BAIAP2L1: variants seen among roughly 807,000 people sequenced by gnomAD.
BAIAP2L1 encodes BAR/IMD domain-containing adapter protein 2-like 1.
A neutral mutation model predicts 66.3 loss-of-function variants in BAIAP2L1; 35 were observed. The ratio of observed to expected loss-of-function variants is 0.53; its 90% CI spans 0.40 to 0.70. The LOEUF is 0.70. Ranked by LOEUF, BAIAP2L1 falls within the 30% of genes least tolerant of loss-of-function variation. The pLI, the probability that BAIAP2L1 is intolerant of heterozygous loss-of-function variation, is 0.00. For synonymous variants in BAIAP2L1, 269 were observed against 248.7 expected, an observed-to-expected ratio of 1.08 and a Z score of -0.77; for missense variants, 622 against 656.9, an observed-to-expected ratio of 0.95 and a Z score of 0.58.
At chr7:98,357,049 A>ATATATTTTT (rs1406909573) in intron 2 of BAIAP2L1, among the ~76,000 whole-genome samples, 1 of 12,620 alleles carries the variant, frequency 7.9e-5, no homozygotes, top group African/African-American at 2.8e-4. Flanking sequence ...ATATATATAT[A>ATATATTTTT]TTTTTTTTTT....
intron 3 of BAIAP2L1, among the ~76,000 whole-genome samples, chr7:98,334,977 G>A (rs927625378): frequency 6.7e-6 from 1 of 149,336 alleles, no homozygotes; most frequent in African/African-American, 2.4e-5. Context: ...GTGAAATCCC[G>A]TGTTTCTCTA....
At chr7:98,306,675 G>A in intron 10 of BAIAP2L1, 159 bp from the exon 11 acceptor site, 2 of 1,047,260 alleles carry the variant, frequency 1.9e-6, no homozygotes, top group Middle Eastern at 2.6e-4. Context: ...GGTAAATATG[G>A]ACTTTCACAT....
chr7:98,349,360 GA>G (rs1281589822), intron 3 of BAIAP2L1, among the ~76,000 whole-genome samples: 9 of 152,314 alleles, frequency 5.9e-5, no homozygotes, highest in African/African-American at 1.9e-4. Flanking sequence ...CAAGGGCAGG[GA>G]AATACTTCTA....
chr7:98,355,021 A>G (rs1216462442), intron 3 of BAIAP2L1, 21 bp downstream of exon 3: 10 of 1,591,832 alleles, frequency 6.3e-6, no homozygotes, highest in Non-Finnish European at 8.6e-6. Flanking sequence ...GGGTTTATGT[A>G]TAAAGGGACA....
chr7:98,298,812 T>TGC (rs1437441129), intron 12 of BAIAP2L1, among the ~76,000 whole-genome samples: 3 of 151,906 alleles, frequency 2.0e-5, no homozygotes. Context: ...CCCTCAAGGG[T>TGC]GCCAGAGGCC....
chr7:98,368,717 C>T (rs1584490578), intron 1 of BAIAP2L1, among the ~76,000 whole-genome samples: 1 of 152,002 alleles, frequency 6.6e-6, no homozygotes, highest in Middle Eastern at 3.4e-3. Context: ...GGAATCGTAT[C>T]GTATGTGGCA....
At chr7:98,327,153 G>A (rs1801395058) in intron 3 of BAIAP2L1, among the ~76,000 whole-genome samples, 1 of 152,134 alleles carries the variant, frequency 6.6e-6, no homozygotes, top group Non-Finnish European at 1.5e-5. Flanking sequence ...CTGAGGTCAG[G>A]AGTTTGAGAC....
At chr7:98,371,954 C>T (rs1287533981) in intron 1 of BAIAP2L1, among the ~76,000 whole-genome samples, 1 of 152,026 alleles carries the variant, frequency 6.6e-6, no homozygotes, top group Non-Finnish European at 1.5e-5. Context: ...GCCACTGCAC[C>T]TGGCTAGTTT....
Position 98,362,424 on chromosome 7 carries a change from C to T in BAIAP2L1, c.60G>A (p.Met20Ile). ...TTCGCAGCCCAGGATTGAACTGTTC[C>T]ATAACATTCTGCCAAACAAACAAAA... ...RLTESTYRNV[M>I]EQFNPGLRNL... The change falls in exon 2 of 14, where the codon ATG (methionine) becomes ATA (isoleucine). Residue 20 changes from methionine (M) to isoleucine (I), a missense_variant. Physicochemically the swap from Met to Ile is conservative, Grantham distance 10. Transcript: ENST00000005260. 6.3e-7 allele frequency: 1 copy of T among 1,599,496 alleles called. No homozygotes were observed. The highest frequency in any genetic ancestry group is 8.5e-7 in the Non-Finnish European group (1 of 1,176,132).
intron 7 of BAIAP2L1, among the ~76,000 whole-genome samples, chr7:98,314,690 A>G (rs962244160): frequency 2.0e-5 from 3 of 152,082 alleles, no homozygotes; most frequent in Non-Finnish European, 4.4e-5. Flanking sequence ...GATGCGCGTG[A>G]ATGGGGGCCC....
At position 98,306,471 on chromosome 7, in the gene BAIAP2L1, A is replaced by C. The variant is rs746282005; in HGVS notation, c.1209T>G (p.Asn403Lys). 12 of 1,613,950 alleles carry C rather than the reference A, an allele frequency of 7.4e-6. No homozygotes were observed. Among genetic ancestry groups the C allele is most frequent in the Non-Finnish European group, 1.0e-5 (12 of 1,179,998 alleles). ...TGGGCACGGTCACTGCTTCTGTCTC[A>C]TTTTCTTCCAGCAACTTCGTGTACG... The part of the protein sequence containing the change: ...PSSYTKLLEE[N>K]ETEAVTVPTP... The change falls in exon 11 of 14, where the codon AAT becomes AAG. Residue 403 changes from asparagine (N) to lysine (K), a missense_variant. By Grantham distance (94) the Asn-to-Lys change is moderately conservative. Transcript: ENST00000005260.
At position 98,292,634 on chromosome 7, in the gene BAIAP2L1, T is replaced by C. The variant is rs1486936571; in HGVS notation, c.*887A>G. Reference sequence around the variant, plus strand: ...TGCTAGGCTGAAAAACCCGCCCTTCTCCAGGCACCAGAGGTCATCCTGGCT... The same window carrying C: ...TGCTAGGCTGAAAAACCCGCCCTTCCCCAGGCACCAGAGGTCATCCTGGCT... On this transcript the variant is annotated 3_prime_UTR_variant, in exon 14 of 14. Transcript: ENST00000005260. The C allele has an allele frequency of 6.4e-7, 1 of 1,551,478 alleles. No individual in the cohort carries two copies. Among genetic ancestry groups the C allele is most frequent in the Non-Finnish European group, 8.7e-7 (1 of 1,146,970 alleles).
chr7:98,353,679 G>A (rs971498023), intron 3 of BAIAP2L1, among the ~76,000 whole-genome samples: 1 of 139,926 alleles, frequency 7.1e-6, no homozygotes, highest in African/African-American at 2.7e-5. Flanking sequence ...TAATATTATG[G>A]CTGGGCGCGG....
chr7:98,313,535 A>G (rs1250750980), intron 7 of BAIAP2L1, among the ~76,000 whole-genome samples: 1 of 152,080 alleles, frequency 6.6e-6, no homozygotes, highest in Non-Finnish European at 1.5e-5. Context: ...TCTAAAGTGA[A>G]CTCTACATTC....
chr7:98,312,402 A>C, intron 7 of BAIAP2L1, 138 bp from the exon 8 acceptor site: 1 of 853,192 alleles, frequency 1.2e-6, no homozygotes, highest in Non-Finnish European at 1.8e-6. Context: ...AAACTCGGTG[A>C]GCACTTTAAG....
At chr7:98,357,049 ATTTTTTTTTT>A (rs750965128) in intron 2 of BAIAP2L1, among the ~76,000 whole-genome samples, 7 of 12,614 alleles carry the variant, frequency 5.5e-4, no homozygotes, top group Admixed American at 2.7e-3. Context: ...ATATATATAT[ATTTTTTTTTT>A]TTTTTTTTTA....
In BAIAP2L1 at chr7:98,339,073, TA is replaced by T. The variant is rs34884828; in HGVS notation, c.214+15968del. Reference sequence around the variant, plus strand: ...GGCCAACAGAGCAAGACTCTGTCTTTAAAAAAAAAAAAAAAAAAAGACTTTG... The same window carrying T: ...GGCCAACAGAGCAAGACTCTGTCTTTAAAAAAAAAAAAAAAAAAGACTTTG... On this transcript the variant is annotated intron_variant, in intron 3 of 13. Coordinates refer to ENST00000005260, the MANE Select transcript of BAIAP2L1 (RefSeq NM_018842.5). Among the ~76,000 whole-genome samples, 1,126 of 126,608 alleles carry T rather than the reference TA, an allele frequency of 8.9e-3. 2 individuals carry two copies. Among genetic ancestry groups the T allele is most frequent in the Middle Eastern group, 0.016 (4 of 246 alleles). The allele number at this position is 126,608 out of a possible 152,430, so 83.1% of individuals were successfully genotyped here.
At chr7:98,299,811 C>T (rs941862295) in intron 12 of BAIAP2L1, among the ~76,000 whole-genome samples, 3 of 152,208 alleles carry the variant, frequency 2.0e-5, no homozygotes, top group East Asian at 3.9e-4. Context: ...GAGGCTGAGG[C>T]GGGAGGATCA....
chr7:98,362,029 TTTCTGTGCTGTAGGACCCTAACTTA>T (rs1225368204), intron 2 of BAIAP2L1, among the ~76,000 whole-genome samples: 18 of 152,222 alleles, frequency 1.2e-4, no homozygotes, highest in South Asian at 4.1e-4. Flanking sequence ...AGGAGAATAA[TTTCTGTGCTGTAGGACCCTAACTTA>T]TAAATGTCTC....
Sources: gnomAD v4.1 joint callset for allele counts (sites outside exome capture counted in the v4.1 genomes callset) on GRCh38, gnomAD v4.1.1 for gene constraint, MANE v1.5 for transcripts, NCBI Gene and HGNC (gene_info 2026-07-23, HGNC 2026-07-21) for gene names.